The following ERC2 variants were observed in gnomAD, a reference collection of about 807,000 sequenced individuals.
ERC2 encodes the protein ELKS/RAB6-interacting/CAST family member 2, also known as ERC protein 2.
ERC2 carries 42 observed loss-of-function variants against 114.8 expected under a neutral mutation model. The ratio of observed to expected loss-of-function variants is 0.37; its 90% CI spans 0.29 to 0.47. The LOEUF is 0.47. Ranked by LOEUF, ERC2 falls within the 20% of genes least tolerant of loss-of-function variation. The pLI is 0.99. For missense variants in ERC2, 939 were observed against 1,150.7 expected (o/e 0.82, Z 2.66); for synonymous variants, 454 against 425.5 (o/e 1.07, Z -0.82).
intron 14 of ERC2, among the ~76,000 whole-genome samples, chr3:55,875,724 A>ACACACACACACACACACACTCT (rs1491351730): frequency 4.3e-5 from 6 of 141,022 alleles, no homozygotes; most frequent in African/African-American, 1.4e-4. Flanking sequence ...ACACACACAC[A>ACACACACACACACACACACTCT]CTCTCTCTCT....
chr3:55,914,293 C>G (rs2064975936), intron 13 of ERC2, among the ~76,000 whole-genome samples: 1 of 152,110 alleles, frequency 6.6e-6, no homozygotes, highest in Admixed American at 6.5e-5. Flanking sequence ...TTCTTAGTCT[C>G]ACTCCCTCTA....
chr3:56,215,754 C>T (rs1357426895), intron 3 of ERC2, among the ~76,000 whole-genome samples: 1 of 152,160 alleles, frequency 6.6e-6, no homozygotes, highest in Non-Finnish European at 1.5e-5. Context: ...TAAAGCACTC[C>T]TCAGCAAGTG....
chr3:56,353,287 C>A (rs184465836), intron 2 of ERC2, among the ~76,000 whole-genome samples: 17 of 152,070 alleles, frequency 1.1e-4, no homozygotes, highest in African/African-American at 4.1e-4. Context: ...ATGAAGCTGT[C>A]CCAAGGAGGC....
intron 7 of ERC2, among the ~76,000 whole-genome samples, chr3:56,076,033 C>T (rs1226424690): frequency 6.6e-6 from 1 of 152,128 alleles, no homozygotes; most frequent in Non-Finnish European, 1.5e-5. Context: ...TAAAATCAAC[C>T]TGCTGAAGTG....
At chr3:56,041,306 C>T (rs1156773783) in intron 7 of ERC2, among the ~76,000 whole-genome samples, 1 of 152,040 alleles carries the variant, frequency 6.6e-6, no homozygotes, top group East Asian at 1.9e-4. Flanking sequence ...GGAAGAGTCT[C>T]CTCCCCGGGT....
At chr3:56,122,245 A>G (rs1345292751) in intron 6 of ERC2, among the ~76,000 whole-genome samples, 1 of 152,204 alleles carries the variant, frequency 6.6e-6, no homozygotes, top group African/African-American at 2.4e-5. Flanking sequence ...AAGGCAAATT[A>G]TTGTATTTCG....
intron 3 of ERC2, among the ~76,000 whole-genome samples, chr3:56,279,113 A>C (rs2054187748): frequency 1.3e-5 from 2 of 152,082 alleles, no homozygotes; most frequent in South Asian, 4.1e-4. Context: ...ATTTTTGCAA[A>C]TTTTCTGTAA....
At chr3:55,942,544 G>A (rs1192136708) in intron 13 of ERC2, among the ~76,000 whole-genome samples, 3 of 150,340 alleles carry the variant, frequency 2.0e-5, no homozygotes, top group Non-Finnish European at 3.0e-5. Flanking sequence ...TGATCCGCCC[G>A]CCTCGGCCTC....
chr3:55,619,512 C>G (rs962301487), intron 17 of ERC2, among the ~76,000 whole-genome samples: 17 of 152,134 alleles, frequency 1.1e-4, no homozygotes, highest in African/African-American at 3.6e-4. Flanking sequence ...CATCGTAAGG[C>G]ACAGAGTTCC....
Position 55,797,728 on chromosome 3 carries a change from C to T in ERC2, c.2565-62810G>A, listed in dbSNP as rs142091345. 6.0e-3 allele frequency among the ~76,000 whole-genome samples: 910 copies of T among 152,238 alleles called. 14 individuals carry two copies. The highest frequency in any genetic ancestry group is 0.021 in the African/African-American group (860 of 41,526). ...ATGCATATTATGCATATATATATTA[C>T]ATACATATACATAATAAGTGTGTAT... On this transcript the variant is annotated intron_variant, in intron 14 of 17. Transcript: ENST00000288221.
rs112000778 is a variant in ERC2, at chr3:56,156,079, A to G, written c.1150-6947T>C. 1.8e-3 allele frequency among the ~76,000 whole-genome samples: 273 copies of G among 152,300 alleles called. 4 individuals are homozygous for G. The highest frequency in any genetic ancestry group is 6.4e-3 in the African/African-American group (266 of 41,562). On this transcript the variant is annotated intron_variant, in intron 4 of 17. Coordinates refer to ENST00000288221, the MANE Select transcript of ERC2 (RefSeq NM_015576.3). Reference sequence around the variant, plus strand: ...AGTAATAAAACCAGATGCCGAAATGAAATTTGAAAACTGTGGAGACGACAA... The same window carrying G: ...AGTAATAAAACCAGATGCCGAAATGGAATTTGAAAACTGTGGAGACGACAA...
intron 9 of ERC2, among the ~76,000 whole-genome samples, chr3:56,009,527 C>T (rs879487022): frequency 1.3e-5 from 2 of 152,088 alleles, no homozygotes; most frequent in South Asian, 2.1e-4. Context: ...GGAAATACTG[C>T]GGAGCTAGGA....
intron 14 of ERC2, among the ~76,000 whole-genome samples, chr3:55,861,422 C>A (rs1323429404): frequency 6.6e-6 from 1 of 152,154 alleles, no homozygotes; most frequent in East Asian, 1.9e-4. Context: ...CCTAGACAAC[C>A]CCAAAGCAAA....
chr3:56,177,980 A>G (rs2083072845), intron 3 of ERC2, among the ~76,000 whole-genome samples: 3 of 152,198 alleles, frequency 2.0e-5, no homozygotes, highest in Non-Finnish European at 4.4e-5. Context: ...CAAACCCCAC[A>G]TTATATATTT....
At chr3:55,946,211 CAAGGTCAGACATAA>C (rs2067119184) in intron 13 of ERC2, among the ~76,000 whole-genome samples, 1 of 152,196 alleles carries the variant, frequency 6.6e-6, no homozygotes, top group Non-Finnish European at 1.5e-5. Flanking sequence ...CCCAAAGCCC[CAAGGTCAGACATAA>C]ATATCATGCC....
At chr3:56,397,375 G>T (rs56056245) in intron 2 of ERC2, among the ~76,000 whole-genome samples, 3 of 150,750 alleles carry the variant, frequency 2.0e-5, no homozygotes, top group Admixed American at 6.6e-5. Flanking sequence ...AGAAGAAGAA[G>T]AATTCTCAGT....
chr3:56,081,913 A>G (rs991694121), intron 6 of ERC2, among the ~76,000 whole-genome samples: 3 of 152,214 alleles, frequency 2.0e-5, no homozygotes, highest in Non-Finnish European at 4.4e-5. Flanking sequence ...ATAAATGTAC[A>G]CTAATCCAGT....
chr3:56,467,465 G>A (rs1423158791), intron 1 of ERC2, among the ~76,000 whole-genome samples: 1 of 152,144 alleles, frequency 6.6e-6, no homozygotes, highest in Non-Finnish European at 1.5e-5. Context: ...AGGGCCGAAC[G>A]GAGAGTTTAC....
intron 3 of ERC2, among the ~76,000 whole-genome samples, chr3:56,233,621 A>C (rs992739334): frequency 1.6e-5 from 2 of 127,270 alleles, no homozygotes; most frequent in Non-Finnish European, 3.5e-5. Context: ...CTCAACAACC[A>C]AAAAAAAAAA....
Sources: allele counts gnomAD v4.1 joint callset (sites outside exome capture counted in the v4.1 genomes callset), GRCh38; gene constraint gnomAD v4.1.1; transcripts MANE v1.5; gene names NCBI Gene and HGNC (gene_info 2026-07-23, HGNC 2026-07-21).